PPP6R3: variants seen among roughly 807,000 people sequenced by gnomAD.
PPP6R3 encodes protein phosphatase 6 regulatory subunit 3.
A neutral mutation model predicts 110.7 loss-of-function variants in PPP6R3; 38 were observed. That is an observed-to-expected ratio of 0.34 (90% CI 0.26 to 0.45). PPP6R3 has a LOEUF of 0.45. Among genes scored for constraint, PPP6R3 ranks in the 20% least tolerant of loss-of-function variants. The pLI is 1.00. For missense variants in PPP6R3, 870 were observed against 1,062.4 expected (o/e 0.82, Z 2.52); for synonymous variants, 369 against 373.5 (o/e 0.99, Z 0.14).
At chr11:68,536,560 G>T (rs1444182257) in intron 2 of PPP6R3, among the ~76,000 whole-genome samples, 2 of 152,132 alleles carry the variant, frequency 1.3e-5, no homozygotes, top group African/African-American at 4.8e-5. Context: ...GCCACTGTGT[G>T]CCCGGCCCAA....
At position 68,490,627 on chromosome 11, in the gene PPP6R3, G is replaced by GT. The variant is rs796345118; in HGVS notation, c.-157-28864dup. Among the ~76,000 whole-genome samples, 616 of 146,102 alleles carry GT rather than the reference G, an allele frequency of 4.2e-3. 8 individuals are homozygous for GT. Among genetic ancestry groups the GT allele is most frequent in the African/African-American group, 0.013 (511 of 39,848 alleles). ...GTCCCATAGTTCTTGGATATTTTCT[G>GT]TTTTTTTTTTCTTTTGTATTTTTTT... is the stretch of plus-strand genomic sequence containing the variant. On this transcript the variant is annotated intron_variant, in intron 1 of 23. Coordinates refer to ENST00000393800, the MANE Select transcript of PPP6R3 (RefSeq NM_001164161.2).
rs569807905 is a variant in PPP6R3, at chr11:68,614,086, C to T, written c.*969C>T. ...ATTAGGCAAGTCAGTTGAAAATGCT[C>T]GTGCTGCTAATGGAATTAGAGTGCG... On this transcript the variant is annotated 3_prime_UTR_variant, in exon 24 of 24. Coordinates refer to ENST00000393800, the MANE Select transcript of PPP6R3 (RefSeq NM_001164161.2). 92 of 985,814 alleles carry T rather than the reference C, an allele frequency of 9.3e-5. No homozygotes were observed. The highest frequency in any genetic ancestry group is 1.1e-4 in the East Asian group (1 of 8,810). The allele number at this position is 985,814 out of a possible 1,614,324, so 61.1% of individuals were successfully genotyped here. A position where few individuals can be genotyped will look rare whatever the true frequency, so the allele number is the denominator to read the frequency against.
intron 1 of PPP6R3, among the ~76,000 whole-genome samples, chr11:68,499,737 G>A (rs927793307): frequency 4.0e-5 from 6 of 151,848 alleles, no homozygotes; most frequent in Admixed American, 3.3e-4. Flanking sequence ...ACCACACCCG[G>A]CTCAGTTTTG....
intron 21 of PPP6R3, 70 bp downstream of exon 21, chr11:68,602,039 A>C: frequency 1.5e-4 from 188 of 1,254,932 alleles, no homozygotes; most frequent in Non-Finnish European, 1.9e-4. Flanking sequence ...CCTGATTCTC[A>C]GGCTCAGGGG....
chr11:68,542,392 T>TTTTTTTTGTTTTTG (rs1406027081), intron 3 of PPP6R3, among the ~76,000 whole-genome samples: 1,066 of 99,124 alleles, frequency 0.011, 68 homozygotes, highest in African/African-American at 0.013. Flanking sequence ...AGCTGCTGTT[T>TTTTTTTTGTTTTTG]TTTTTTTTTT....
chr11:68,533,993 A>G lies in PPP6R3; in HGVS notation c.-6-3666A>G, dbSNP rs538110551. 3.4e-4 allele frequency among the ~76,000 whole-genome samples: 52 copies of G among 152,208 alleles called. 1 individual carries two copies. The highest frequency in any genetic ancestry group is 3.9e-4 in the Admixed American group (6 of 15,274). ...TGATTTGGGGACCACGGCACGTTCC[A>G]TGTTTTGGTTCTGCCATCCCTCAGG... On this transcript the variant is annotated intron_variant, in intron 2 of 23. Transcript: ENST00000393800.
intron 1 of PPP6R3, among the ~76,000 whole-genome samples, chr11:68,511,840 G>C (rs1287913999): frequency 6.6e-6 from 1 of 152,046 alleles, no homozygotes; most frequent in Non-Finnish European, 1.5e-5. Flanking sequence ...TTTAGCCTCA[G>C]ACTTTTAGCC....
intron 1 of PPP6R3, among the ~76,000 whole-genome samples, chr11:68,461,534 C>T (rs1056245691): frequency 1.2e-4 from 19 of 152,190 alleles, no homozygotes; most frequent in African/African-American, 4.3e-4. Flanking sequence ...TGAAGTCCCT[C>T]CCTCTTAAAG....
rs759997500 is a variant in PPP6R3 at position 68,548,167 on chromosome 11, G to T, written c.515G>T (p.Cys172Phe). Reference protein sequence around the residue: ...IMDLLLRLLTCIEPPQPRQDV... With the variant: ...IMDLLLRLLTFIEPPQPRQDV... Reference sequence around the variant, plus strand: ...GATTTGTTGCTCAGGCTCCTGACGTGTATCGAACCTCCACAGCCCAGGCAA... The same window carrying T: ...GATTTGTTGCTCAGGCTCCTGACGTTTATCGAACCTCCACAGCCCAGGCAA... The change falls in exon 5 of 24, where the codon TGT becomes TTT. Residue 172 changes from cysteine (C) to phenylalanine (F), a missense_variant. Cys to Phe is a radical substitution (Grantham distance 205). Coordinates refer to ENST00000393800, the MANE Select transcript of PPP6R3 (RefSeq NM_001164161.2). 23 of 1,614,060 alleles carry T rather than the reference G, an allele frequency of 1.4e-5. No individual in the cohort carries two copies. Among genetic ancestry groups the T allele is most frequent in the Non-Finnish European group, 1.9e-5 (22 of 1,180,034 alleles).
At chr11:68,586,185 T>G (rs1309713491) in intron 15 of PPP6R3, 1 of 152,194 alleles carries the variant, frequency 6.6e-6, no homozygotes, top group East Asian at 1.9e-4. Flanking sequence ...ATTTCTGATC[T>G]GTAGATAAAC....
chr11:68,580,566 TG>T, intron 14 of PPP6R3, among the ~76,000 whole-genome samples: 1 of 151,932 alleles, frequency 6.6e-6, no homozygotes, highest in Non-Finnish European at 1.5e-5. Context: ...GTGGGTGGGC[TG>T]GAGGAAACAA....
In PPP6R3 at chr11:68,614,529, A is replaced by G. The variant is rs2153985794; in HGVS notation, c.*1412A>G. ...AAAAATGGCCAACAATTTTTTTAGAAGTAGCATCCCAAGCAGCGTGCCTAA... is the reference window on the plus strand; with the variant it reads ...AAAAATGGCCAACAATTTTTTTAGAGGTAGCATCCCAAGCAGCGTGCCTAA... On this transcript the variant is annotated 3_prime_UTR_variant, in exon 24 of 24. Transcript: ENST00000393800. 3 of 1,435,844 alleles carry G rather than the reference A, an allele frequency of 2.1e-6. No individual in the cohort carries two copies. The highest frequency in any genetic ancestry group is 1.5e-5 in the African/African-American group (1 of 67,206). 88.9% of individuals were successfully genotyped at this position (1,435,844 alleles called of 1,614,324 possible). A position where few individuals can be genotyped will look rare whatever the true frequency, so the allele number is the denominator to read the frequency against.
chr11:68,535,157 C>T (rs1305304307), intron 2 of PPP6R3, among the ~76,000 whole-genome samples: 2 of 152,102 alleles, frequency 1.3e-5, no homozygotes, highest in Non-Finnish European at 2.9e-5. Context: ...TTAGAATTAG[C>T]TTGCTCTTGT....
intron 1 of PPP6R3, among the ~76,000 whole-genome samples, chr11:68,461,238 G>A (rs1192755293): frequency 6.6e-6 from 1 of 151,752 alleles, no homozygotes; most frequent in African/African-American, 2.4e-5. Flanking sequence ...CGCTCCCGCT[G>A]GGCCTCCCGG....
intron 8 of PPP6R3, among the ~76,000 whole-genome samples, chr11:68,560,012 C>T (rs1430466213): frequency 6.6e-6 from 1 of 151,940 alleles, no homozygotes; most frequent in African/African-American, 2.4e-5. Flanking sequence ...TACCCTCTTG[C>T]TACTCATGCT....
chr11:68,542,389 G>GTTTTTTTGTTTTTT (rs1555132286), intron 3 of PPP6R3, among the ~76,000 whole-genome samples: 1 of 40,188 alleles, frequency 2.5e-5, no homozygotes, highest in Admixed American at 4.3e-4. Flanking sequence ...AGAAGCTGCT[G>GTTTTTTTGTTTTTT]TTTTTTTTTT....
At chr11:68,525,353 G>A (rs1043928127) in intron 2 of PPP6R3, among the ~76,000 whole-genome samples, 2 of 152,172 alleles carry the variant, frequency 1.3e-5, no homozygotes, top group Non-Finnish European at 2.9e-5. Context: ...ATGTGATTGT[G>A]GAATAGCTAG....
At chr11:68,590,880 A>G (rs765290836) in intron 17 of PPP6R3, among the ~76,000 whole-genome samples, 166 bp downstream of exon 17, 5 of 152,124 alleles carry the variant, frequency 3.3e-5, no homozygotes, top group African/African-American at 7.2e-5. Context: ...ACCCGTGGGC[A>G]TGTGATTTTT....
intron 10 of PPP6R3, among the ~76,000 whole-genome samples, chr11:68,568,505 T>C (rs1444583522): frequency 6.6e-6 from 1 of 152,194 alleles, no homozygotes. Flanking sequence ...TTTGTACTTT[T>C]AGAAATTCTT....
Sources: allele counts gnomAD v4.1 joint callset (sites outside exome capture counted in the v4.1 genomes callset), GRCh38; gene constraint gnomAD v4.1.1; transcripts MANE v1.5; gene names NCBI Gene and HGNC (gene_info 2026-07-23, HGNC 2026-07-21).